Variants in EDAR observed in about 807,000 individuals in gnomAD.
The protein encoded by EDAR is ectodysplasin A receptor, also known as tumor necrosis factor receptor superfamily member EDAR.
In EDAR, 38 loss-of-function variants were observed where a neutral mutation model predicts 51.3. That is an observed-to-expected ratio of 0.74 (90% CI 0.57 to 0.97). The LOEUF is 0.97. EDAR is among the 50% of genes least tolerant of loss of function. EDAR has a pLI of 0.00. For missense variants in EDAR, 528 were observed against 595.0 expected, an observed-to-expected ratio of 0.89 and a Z score of 1.17; for synonymous variants, 227 against 242.1, an observed-to-expected ratio of 0.94 and a Z score of 0.58.
At chr2:108,965,503 C>A (rs190050901) in intron 1 of EDAR, among the ~76,000 whole-genome samples, 1 of 151,820 alleles carries the variant, frequency 6.6e-6, no homozygotes, top group Admixed American at 6.6e-5. Flanking sequence ...CCAGTTGTTC[C>A]CAGATACAGG....
Position 108,896,953 on chromosome 2 carries a change from C to G in EDAR, c.1301G>C (p.Trp434Ser), listed in dbSNP as rs1340139268. ...GGAGGCAGGTGGCACAACCCCCGCCCACTCCAGTATGTCTGCACACAAGGA... is the reference window on the plus strand; with the variant it reads ...GGAGGCAGGTGGCACAACCCCCGCCGACTCCAGTATGTCTGCACACAAGGA... Reference protein sequence around the residue: ...VESLCADILEWAGVVPPASQP... With the variant: ...VESLCADILESAGVVPPASQP... The change falls in exon 12 of 12, where the codon TGG (tryptophan) becomes TCG (serine). Residue 434 changes from tryptophan to serine, a missense_variant. By Grantham distance (177) the Trp-to-Ser change is radical. Transcript: ENST00000258443. 6.2e-7 allele frequency: 1 copy of G among 1,613,560 alleles called. No homozygotes were observed. The highest frequency in any genetic ancestry group is 1.7e-5 in the Admixed American group (1 of 59,938).
chr2:108,906,922 C>T (rs1465632866), intron 10 of EDAR, among the ~76,000 whole-genome samples: 1 of 152,260 alleles, frequency 6.6e-6, no homozygotes, highest in Non-Finnish European at 1.5e-5. Context: ...CTATCAGGAC[C>T]AGGCTGGAGC....
chr2:108,979,404 T>A (rs1016341028), intron 1 of EDAR, among the ~76,000 whole-genome samples: 5 of 151,762 alleles, frequency 3.3e-5, no homozygotes, highest in East Asian at 3.9e-4. Flanking sequence ...CCAAGCCCCA[T>A]CCCAAGCTTT....
intron 1 of EDAR, among the ~76,000 whole-genome samples, chr2:108,948,300 A>G (rs1697753278): frequency 6.6e-6 from 1 of 152,240 alleles, no homozygotes; most frequent in African/African-American, 2.4e-5. Context: ...ACAAGTCTGT[A>G]GGAAGTTCCA....
chr2:108,964,283 C>T (rs1258284230), intron 1 of EDAR, among the ~76,000 whole-genome samples: 1 of 152,102 alleles, frequency 6.6e-6, no homozygotes, highest in Non-Finnish European at 1.5e-5. Flanking sequence ...CTGAGGTCCA[C>T]CGGTGACCTG....
At chr2:108,925,476 TC>T (rs1276692295) in intron 4 of EDAR, among the ~76,000 whole-genome samples, 1 of 152,218 alleles carries the variant, frequency 6.6e-6, no homozygotes, top group East Asian at 1.9e-4. Flanking sequence ...GGTGGCTCTG[TC>T]CCACGACTGT....
rs568122918 is a variant in EDAR at position 108,943,537 on chromosome 2, G to A, written c.-18-12505C>T. Among the ~76,000 whole-genome samples the A allele has an allele frequency of 3.3e-5, 5 of 152,324 alleles. No homozygotes were observed. In the South Asian group the frequency reaches 1.0e-3, roughly 32 times the overall value. ...ACTTTTTGAAAAAGAGATTGCTGGG[G>A]CAGGTGGTGACTAGTCCGAATTATC... On this transcript the variant is annotated intron_variant, in intron 1 of 11. Coordinates refer to ENST00000258443, the MANE Select transcript of EDAR (RefSeq NM_022336.4).
intron 6 of EDAR, 117 bp from the exon 7 acceptor site, chr2:108,911,189 C>T: frequency 1.5e-6 from 2 of 1,305,968 alleles, no homozygotes; most frequent in Non-Finnish European, 1.1e-6. Context: ...TCAGGGAACC[C>T]TGAAATCTGA....
chr2:108,979,809 G>C (rs1698390998), intron 1 of EDAR, among the ~76,000 whole-genome samples: 1 of 152,112 alleles, frequency 6.6e-6, no homozygotes, highest in Non-Finnish European at 1.5e-5. Flanking sequence ...CTTCACTTTG[G>C]CCATCTGACA....
chr2:108,911,100 C>T, intron 6 of EDAR, 28 bp from the exon 7 acceptor site: 1 of 1,613,842 alleles, frequency 6.2e-7, no homozygotes, highest in Non-Finnish European at 8.5e-7. Flanking sequence ...GCATGAATGA[C>T]CCAGAGCTCA....
At chr2:108,954,627 T>C (rs1275119460) in intron 1 of EDAR, among the ~76,000 whole-genome samples, 1 of 152,092 alleles carries the variant, frequency 6.6e-6, no homozygotes, top group Non-Finnish European at 1.5e-5. Flanking sequence ...CTTTCCTCTG[T>C]CACATTCCCT....
At chr2:108,950,473 T>C (rs1373594093) in intron 1 of EDAR, among the ~76,000 whole-genome samples, 2 of 152,160 alleles carry the variant, frequency 1.3e-5, no homozygotes, top group Admixed American at 6.5e-5. Flanking sequence ...TAAGGGCCGA[T>C]GGTGTTTAAC....
At chr2:108,977,420 C>T (rs1698342363) in intron 1 of EDAR, among the ~76,000 whole-genome samples, 1 of 152,184 alleles carries the variant, frequency 6.6e-6, no homozygotes, top group African/African-American at 2.4e-5. Context: ...AGGCACCCGC[C>T]ACCATGCCTG....
chr2:108,987,425 A>G (rs796992430), intron 1 of EDAR, among the ~76,000 whole-genome samples: 2 of 152,222 alleles, frequency 1.3e-5, no homozygotes, highest in Non-Finnish European at 1.5e-5. Context: ...AATGGCAGGC[A>G]CTGGGCTAGG....
chr2:108,985,557 T>C lies in EDAR; in HGVS notation c.-19+3403A>G, dbSNP rs528716098. ...CTGGCTGGTTACATGTGTACGTAGGTGTATAAAATGATGGGCATTTCCAGA... is the reference window on the plus strand; with the variant it reads ...CTGGCTGGTTACATGTGTACGTAGGCGTATAAAATGATGGGCATTTCCAGA... On this transcript the variant is annotated intron_variant, in intron 1 of 11. Coordinates refer to ENST00000258443, the MANE Select transcript of EDAR (RefSeq NM_022336.4). 7.9e-5 allele frequency among the ~76,000 whole-genome samples: 12 copies of C among 152,284 alleles called. 1 individual carries two copies. In the South Asian group the frequency reaches 2.3e-3, roughly 29 times the overall value.
At chr2:108,971,328 C>T (rs1350569224) in intron 1 of EDAR, among the ~76,000 whole-genome samples, 1 of 151,946 alleles carries the variant, frequency 6.6e-6, no homozygotes, top group African/African-American at 2.4e-5. Flanking sequence ...CCCAGGAGCT[C>T]GTTAGAAATG....
At chr2:108,931,479 A>G (rs1202681088) in intron 1 of EDAR, among the ~76,000 whole-genome samples, 2 of 152,186 alleles carry the variant, frequency 1.3e-5, no homozygotes, top group African/African-American at 4.8e-5. Flanking sequence ...TCCCAGCCCC[A>G]GCTTAGTGTT....
chr2:108,911,376 G>A (rs55917166), intron 6 of EDAR, among the ~76,000 whole-genome samples: 1,634 of 152,266 alleles, frequency 0.011, 15 homozygotes, highest in Non-Finnish European at 0.018. Flanking sequence ...TGAGGGCAGG[G>A]TTTGGTGTGG....
intron 4 of EDAR, among the ~76,000 whole-genome samples, chr2:108,928,582 G>T (rs1697301964): frequency 6.6e-6 from 1 of 152,144 alleles, no homozygotes; most frequent in African/African-American, 2.4e-5. Context: ...GATGTGTTGT[G>T]GCCACTAGGG....
Sources: allele counts gnomAD v4.1 joint callset (sites outside exome capture counted in the v4.1 genomes callset), GRCh38; gene constraint gnomAD v4.1.1; transcripts MANE v1.5; gene names NCBI Gene and HGNC (gene_info 2026-07-23, HGNC 2026-07-21).